The following COMMD1 variants were observed in gnomAD, a reference collection of about 807,000 sequenced individuals.
COMMD1 encodes the protein COMM domain-containing protein 1.
A neutral mutation model predicts 17.2 loss-of-function variants in COMMD1; 10 were observed. The observed-to-expected ratio is 0.58, with a 90% confidence interval of 0.36 to 0.99. The LOEUF (loss-of-function observed/expected upper bound fraction) is 0.99, where lower values mean the gene tolerates loss of function less well. Ranked by LOEUF, COMMD1 falls within the 50% of genes least tolerant of loss-of-function variation. The pLI is 0.01. For synonymous variants in COMMD1, 97 were observed against 91.6 expected (o/e 1.06, Z -0.34); for missense variants, 270 against 231.8 (o/e 1.17, Z -1.07).
intron 2 of COMMD1, among the ~76,000 whole-genome samples, chr2:62,031,228 A>C (rs1463118218): frequency 3.3e-5 from 5 of 152,212 alleles, no homozygotes; most frequent in African/African-American, 7.2e-5. Flanking sequence ...ACCAGCCCCA[A>C]TACTAGTGAG....
chr2:61,971,254 G>C (rs1414221813), intron 1 of COMMD1, among the ~76,000 whole-genome samples: 1 of 152,222 alleles, frequency 6.6e-6, no homozygotes, highest in Non-Finnish European at 1.5e-5. Flanking sequence ...AGGGGCGTGA[G>C]AGCCTTTATT....
At chr2:62,036,730 C>G (rs937128550) in intron 2 of COMMD1, among the ~76,000 whole-genome samples, 1 of 152,170 alleles carries the variant, frequency 6.6e-6, no homozygotes, top group Non-Finnish European at 1.5e-5. Flanking sequence ...TGGTTGTATA[C>G]ATAGACCATC....
intron 1 of COMMD1, among the ~76,000 whole-genome samples, chr2:61,992,223 G>T: frequency 6.6e-6 from 1 of 152,100 alleles, no homozygotes; most frequent in East Asian, 1.9e-4. Flanking sequence ...CTGGTAATGA[G>T]ATTTTTCAAA....
chr2:62,097,798 G>A (rs1032591705), intron 2 of COMMD1, among the ~76,000 whole-genome samples: 1 of 152,174 alleles, frequency 6.6e-6, no homozygotes, highest in Admixed American at 6.5e-5. Context: ...CGACAGTATA[G>A]CGCTGGTGTC....
chr2:61,888,396 T>A (rs199542002), upstream of COMMD1: 1 of 1,612,620 alleles, frequency 6.2e-7, no homozygotes, highest in South Asian at 1.1e-5. Flanking sequence ...GCGGCGGAAA[T>A]GTTGCTGAAG....
Position 61,979,649 on chromosome 2 carries a change from G to A in COMMD1, c.181-21052G>A, listed in dbSNP as rs936214489. ...GAACTCCAAACTGTTTTCCATAGTG[G>A]TTGTACTAATTTACCTTCCCACCAA... On this transcript the variant is annotated intron_variant, in intron 1 of 2. Transcript: ENST00000311832. Among the ~76,000 whole-genome samples the A allele has an allele frequency of 1.3e-5, 2 of 152,080 alleles. 1 individual carries two copies. Among genetic ancestry groups the A allele is most frequent in the African/African-American group, 4.8e-5 (2 of 41,404 alleles).
intron 2 of COMMD1, among the ~76,000 whole-genome samples, chr2:62,005,151 A>C (rs921559655): frequency 2.0e-5 from 3 of 152,222 alleles, no homozygotes; most frequent in African/African-American, 7.2e-5. Context: ...TTATTCTTTA[A>C]AGCTGCCCAG....
intron 1 of COMMD1, among the ~76,000 whole-genome samples, chr2:61,963,190 T>TACACACACACACAC (rs375894719): frequency 7.3e-6 from 1 of 136,378 alleles, no homozygotes; most frequent in African/African-American, 2.9e-5. Flanking sequence ...ATATATTATA[T>TACACACACACACAC]ACACACACAC....
At chr2:61,968,960 T>A (rs1238001334) in intron 1 of COMMD1, 3 of 324,642 alleles carry the variant, frequency 9.2e-6, no homozygotes, top group Non-Finnish European at 1.9e-5. Context: ...TTTTTTTTTT[T>A]TTTTAAAGAC....
chr2:61,914,356 T>G (rs1466006783), intron 1 of COMMD1, among the ~76,000 whole-genome samples: 1 of 152,032 alleles, frequency 6.6e-6, no homozygotes, highest in African/African-American at 2.4e-5. Flanking sequence ...CTGGCCAGCA[T>G]AGTGAAACCT....
intron 1 of COMMD1, among the ~76,000 whole-genome samples, chr2:61,895,238 G>C (rs904668536): frequency 1.1e-4 from 16 of 152,170 alleles, no homozygotes; most frequent in African/African-American, 3.6e-4. Flanking sequence ...TCCCCACAGC[G>C]ACAATAGTTT....
chr2:62,089,360 G>A (rs1262156891), intron 2 of COMMD1, among the ~76,000 whole-genome samples: 2 of 147,528 alleles, frequency 1.4e-5, no homozygotes, highest in East Asian at 2.0e-4. Context: ...ATCTTGGCTC[G>A]TTGCAACCTA....
intron 1 of COMMD1, among the ~76,000 whole-genome samples, chr2:61,951,806 C>T (rs1483669066): frequency 1.3e-5 from 2 of 152,180 alleles, no homozygotes; most frequent in Admixed American, 1.3e-4. Context: ...CTCCCCAAAC[C>T]ATCCCTGTCA....
At chr2:61,933,209 T>TGGC (rs1670514425) in intron 1 of COMMD1, among the ~76,000 whole-genome samples, 1 of 151,814 alleles carries the variant, frequency 6.6e-6, no homozygotes, top group Non-Finnish European at 1.5e-5. Context: ...TCTTCTCTGC[T>TGGC]TGCCACTCAG....
chr2:61,908,703 G>A (rs1243860208), intron 1 of COMMD1, among the ~76,000 whole-genome samples: 1 of 151,952 alleles, frequency 6.6e-6, no homozygotes, highest in African/African-American at 2.4e-5. Flanking sequence ...GGGATTACAG[G>A]CACCAGCCAC....
At chr2:61,993,226 TAGTG>T (rs1419762539) in intron 1 of COMMD1, among the ~76,000 whole-genome samples, 2 of 152,210 alleles carry the variant, frequency 1.3e-5, no homozygotes, top group Non-Finnish European at 2.9e-5. Flanking sequence ...AGGTTCAAGA[TAGTG>T]AGGGCTTCTA....
At chr2:62,026,443 G>T (rs942580927) in intron 2 of COMMD1, among the ~76,000 whole-genome samples, 3 of 152,126 alleles carry the variant, frequency 2.0e-5, no homozygotes, top group African/African-American at 7.2e-5. Context: ...CTATGGTGAG[G>T]ACTGCACCAA....
intron 1 of COMMD1, among the ~76,000 whole-genome samples, chr2:61,914,012 A>G (rs1418007484): frequency 1.3e-5 from 2 of 151,882 alleles, no homozygotes; most frequent in African/African-American, 4.8e-5. Context: ...TGTACTAAAA[A>G]TACAAAAAAA....
chr2:62,078,058 G>T (rs1170854141), intron 2 of COMMD1, among the ~76,000 whole-genome samples: 1 of 151,700 alleles, frequency 6.6e-6, no homozygotes, highest in African/African-American at 2.4e-5. Flanking sequence ...GGCGGATCAC[G>T]AGGTCAGGAG....
Sources: allele counts gnomAD v4.1 joint callset (sites outside exome capture counted in the v4.1 genomes callset), GRCh38; gene constraint gnomAD v4.1.1; transcripts MANE v1.5; gene names NCBI Gene and HGNC (gene_info 2026-07-23, HGNC 2026-07-21).